SYNE2: variants seen among roughly 807,000 people sequenced by gnomAD.
The protein encoded by SYNE2 is nesprin-2.
A neutral mutation model predicts 856.3 loss-of-function variants in SYNE2; 431 were observed. The ratio of observed to expected loss-of-function variants is 0.50; its 90% CI spans 0.47 to 0.55. The LOEUF (loss-of-function observed/expected upper bound fraction) is 0.55. Among genes scored for constraint, SYNE2 ranks in the 20% least tolerant of loss-of-function variants. The pLI, the probability that SYNE2 is intolerant of heterozygous loss-of-function variation, is 0.00. For missense variants in SYNE2, 8,129 were observed against 8,023.2 expected (o/e 1.01, Z -0.50); for synonymous variants, 2,923 against 2,872.3 (o/e 1.02, Z -0.56).
At chr14:63,882,509 A>G (rs2094887627) in intron 1 of SYNE2, among the ~76,000 whole-genome samples, 2 of 151,758 alleles carry the variant, frequency 1.3e-5, no homozygotes, top group South Asian at 4.1e-4. Context: ...TCAGTCCAGG[A>G]GTTCGAGACC....
At chr14:63,793,729 G>A (rs1318882988) in intron 1 of SYNE2, among the ~76,000 whole-genome samples, 1 of 151,690 alleles carries the variant, frequency 6.6e-6, no homozygotes, top group Non-Finnish European at 1.5e-5. Flanking sequence ...TTGAGCCCAG[G>A]AATTCAAGAC....
intron 9 of SYNE2, 94 bp from the exon 10 acceptor site, chr14:63,963,805 C>A: frequency 1.3e-6 from 1 of 768,784 alleles, no homozygotes; most frequent in Non-Finnish European, 2.3e-6. Context: ...GTAATGATGG[C>A]ATTATTTCAC....
At chr14:63,922,025 A>C (rs2095606736) in intron 2 of SYNE2, among the ~76,000 whole-genome samples, 1 of 152,132 alleles carries the variant, frequency 6.6e-6, no homozygotes, top group African/African-American at 2.4e-5. Context: ...ATTTTTTGAG[A>C]CAGGGTCTCA....
At chr14:63,994,071 C>A in intron 22 of SYNE2, 102 bp downstream of exon 22, 3 of 1,193,628 alleles carry the variant, frequency 2.5e-6, no homozygotes, top group South Asian at 1.3e-5. Context: ...TACGTTGTAT[C>A]ACCAGTGGGC....
At chr14:63,876,707 C>G (rs190382026) in intron 1 of SYNE2, among the ~76,000 whole-genome samples, 63 of 152,074 alleles carry the variant, frequency 4.1e-4, no homozygotes, top group Admixed American at 5.9e-4. Context: ...AGGATGGTCT[C>G]GATCTCCTGA....
At chr14:64,020,390 A>G (rs190308764) in intron 35 of SYNE2, among the ~76,000 whole-genome samples, 25 of 152,362 alleles carry the variant, frequency 1.6e-4, no homozygotes, top group African/African-American at 5.8e-4. Flanking sequence ...AGCTTGCCCT[A>G]TGGCCTCTAA....
intron 18 of SYNE2, among the ~76,000 whole-genome samples, chr14:63,984,533 T>A (rs139218295): frequency 3.7e-4 from 57 of 152,296 alleles, no homozygotes; most frequent in African/African-American, 1.3e-3. Flanking sequence ...CTTGCTTCCT[T>A]TCTGTAAAAT....
intron 99 of SYNE2, among the ~76,000 whole-genome samples, chr14:64,192,752 C>T (rs568327755): frequency 6.6e-5 from 10 of 152,272 alleles, no homozygotes; most frequent in African/African-American, 2.4e-4. Context: ...CAGCATGTGA[C>T]GTAACCAGGA....
At chr14:63,967,564 C>A in intron 10 of SYNE2, 145 bp from the exon 11 acceptor site, 1 of 740,620 alleles carries the variant, frequency 1.4e-6, no homozygotes, top group Admixed American at 2.7e-5. Flanking sequence ...GAAACCAGAG[C>A]AGAGAGAGGA....
intron 73 of SYNE2, 60 bp from the exon 74 acceptor site, chr14:64,128,392 A>AC: frequency 1.1e-6 from 1 of 905,158 alleles, no homozygotes; most frequent in Non-Finnish European, 1.8e-6. Flanking sequence ...CCAACTAAAT[A>AC]TAAAAAAAGA....
At chr14:64,071,784 A>G (rs911364661) in intron 52 of SYNE2, among the ~76,000 whole-genome samples, 3 of 152,168 alleles carry the variant, frequency 2.0e-5, no homozygotes, top group Admixed American at 1.3e-4. Context: ...TGGGAGGCCA[A>G]GGTGGATGGA....
At chr14:64,100,531 AAT>A (rs1204839640) in intron 63 of SYNE2, among the ~76,000 whole-genome samples, 1,118 of 39,352 alleles carry the variant, frequency 0.028, 34 homozygotes, top group South Asian at 0.043. Flanking sequence ...AAAAAAAAAA[AAT>A]ATATATATAT....
In SYNE2 at chr14:64,120,915, A is replaced by G. The variant is rs377109376; in HGVS notation, c.13024-12A>G. On this transcript the variant is annotated splice_polypyrimidine_tract_variant and intron_variant, in intron 67 of 115. Coordinates refer to ENST00000555002, the MANE Select transcript of SYNE2 (RefSeq NM_182914.3). ...AAAAATAAATAGCCTGCCATTATGA[A>G]ATGTTTTGCAGCATCCTACCATTCT... is the stretch of plus-strand genomic sequence containing the variant. The G allele has an allele frequency of 3.1e-6, 5 of 1,613,856 alleles. No homozygotes were observed. Among genetic ancestry groups the G allele is most frequent in the Non-Finnish European group, 3.4e-6 (4 of 1,179,920 alleles).
chr14:63,945,224 A>G (rs144980868), intron 6 of SYNE2, among the ~76,000 whole-genome samples: 1 of 151,768 alleles, frequency 6.6e-6, no homozygotes, highest in Admixed American at 6.6e-5. Context: ...AATATTTATA[A>G]ATGAAACACA....
chr14:64,089,064 A>G (rs184678681), intron 58 of SYNE2, among the ~76,000 whole-genome samples: 2 of 152,208 alleles, frequency 1.3e-5, no homozygotes, highest in Admixed American at 6.5e-5. Flanking sequence ...TCATTTTCTT[A>G]TAAAGTTTTG....
rs767622970 is a variant in SYNE2 at position 64,220,605 on chromosome 14, G to A, written c.20029G>A (p.Gly6677Arg). 3 of 1,614,000 alleles carry A rather than the reference G, an allele frequency of 1.9e-6. No homozygotes were observed. Among genetic ancestry groups the A allele is most frequent in the South Asian group, 2.2e-5 (2 of 91,076 alleles). Residue 6677 changes from glycine (G) to arginine (R), a missense_variant, in exon 111 of 116, where the codon GGG (glycine) becomes AGG (arginine). Gly to Arg is a moderately radical substitution (Grantham distance 125, BLOSUM62 -2). Transcript: ENST00000555002. ...ACAGGGCGCAGTGGACAGCTGGAGA[G>A]GGGGCTTACGACAGTCGCTCATGCA... ...AAQGAVDSWR[G>R]GLRQSLMQCQ... is the part of the protein sequence containing the mutation.
At chr14:64,088,322 C>G (rs560781305) in intron 58 of SYNE2, among the ~76,000 whole-genome samples, 1 of 152,270 alleles carries the variant, frequency 6.6e-6, no homozygotes, top group South Asian at 2.1e-4. Flanking sequence ...GTAACTATAA[C>G]AAAAAGCATC....
In SYNE2 at chr14:64,053,066, A is replaced by G. The variant is rs766703698; in HGVS notation, c.9153A>G (p.Leu3051=). ...FEEEHGKYQA[L]LSKMRAIDLQ... The stretch of plus-strand genomic sequence containing the variant: ...AAGAACATGGCAAATATCAGGCATT[A>G]TTAAGTAAAATGAGAGCTATTGATT... Residue 3051 remains leucine (L), a synonymous_variant, in exon 48 of 116, where the codon TTA becomes TTG. Transcript: ENST00000555002. 4.3e-6 allele frequency: 7 copies of G among 1,614,132 alleles called. No individual in the cohort carries two copies. Among genetic ancestry groups the G allele is most frequent in the Non-Finnish European group, 1.7e-6 (2 of 1,180,018 alleles).
intron 92 of SYNE2, 43 bp downstream of exon 92, chr14:64,167,682 G>T (rs1370125675): frequency 1.9e-6 from 3 of 1,613,542 alleles, no homozygotes; most frequent in East Asian, 4.5e-5. Flanking sequence ...CTCATCTGGG[G>T]CAGGAGTCAG....
Sources: gnomAD v4.1 joint callset for allele counts (sites outside exome capture counted in the v4.1 genomes callset) on GRCh38, gnomAD v4.1.1 for gene constraint, MANE v1.5 for transcripts, NCBI Gene and HGNC (gene_info 2026-07-23, HGNC 2026-07-21) for gene names.